Variants in ADD1 observed in about 807,000 individuals in gnomAD.
ADD1 encodes the protein adducin 1.
Under a neutral mutation model 80.5 loss-of-function variants are expected in ADD1, and 24 were observed. That is an observed-to-expected ratio of 0.30 (90% confidence interval 0.22 to 0.42). The LOEUF (loss-of-function observed/expected upper bound fraction) is 0.42. ADD1 is among the 10% of genes least tolerant of loss of function. ADD1 has a pLI of 1.00. For synonymous variants in ADD1, 373 were observed against 393.8 expected, an observed-to-expected ratio of 0.95 and a Z score of 0.63; for missense variants, 948 against 1,019.0, an observed-to-expected ratio of 0.93 and a Z score of 0.95.
At chr4:2,871,217 C>G (rs1009633705) in intron 1 of ADD1, among the ~76,000 whole-genome samples, 1 of 152,060 alleles carries the variant, frequency 6.6e-6, no homozygotes, top group African/African-American at 2.4e-5. Context: ...GTGATCCACC[C>G]TCCTCGGCCT....
chr4:2,909,788 G>A (rs1737708880), intron 13 of ADD1, among the ~76,000 whole-genome samples: 1 of 152,012 alleles, frequency 6.6e-6, no homozygotes, highest in African/African-American at 2.4e-5. Flanking sequence ...CTTCTGGGCA[G>A]TCTGTTGCTG....
In ADD1 at chr4:2,914,962, A is replaced by G; in HGVS notation, c.1870A>G (p.Asn624Asp). 6.2e-7 allele frequency: 1 copy of G among 1,614,138 alleles called. No individual in the cohort carries two copies. The highest frequency in any genetic ancestry group is 8.5e-7 in the Non-Finnish European group (1 of 1,180,006). Residue 624 changes from asparagine (N) to aspartate (D), a missense_variant, in exon 14 of 16, where the codon AAC becomes GAC. Transcript: ENST00000683351. ...CGTCATTGTGAGCACCACGGGCCCCAACCCCTTCACCACACTCACAGACCG... is the reference window on the plus strand; with the variant it reads ...CGTCATTGTGAGCACCACGGGCCCCGACCCCTTCACCACACTCACAGACCG... Reference protein sequence around the residue: ...PHVIVSTTGPNPFTTLTDREL... With the variant: ...PHVIVSTTGPDPFTTLTDREL...
At chr4:2,848,009 G>A (rs1331332451) in intron 1 of ADD1, among the ~76,000 whole-genome samples, 2 of 152,170 alleles carry the variant, frequency 1.3e-5, no homozygotes. Flanking sequence ...GAGATCAGGA[G>A]TTCGAGGCCA....
chr4:2,909,067 TGAAG>T lies in ADD1; in HGVS notation c.1699-271_1699-268del. The T allele has an allele frequency of 7.9e-6, 4 of 508,852 alleles. No individual in the cohort carries two copies. In the South Asian group the frequency reaches 8.9e-5, roughly 11 times the overall value. The allele number at this position is 508,852 out of a possible 1,614,324, so 31.5% of individuals were successfully genotyped here. Reference sequence around the variant, plus strand: ...AAAATGACTCTACCTTGTGGCACATTGAAGATAATTGTGTAAGTAGTTATCTCTG... The same window carrying T: ...AAAATGACTCTACCTTGTGGCACATTATAATTGTGTAAGTAGTTATCTCTG... On this transcript the variant is annotated intron_variant, in intron 12 of 15. Coordinates refer to ENST00000683351, the MANE Select transcript of ADD1 (RefSeq NM_001354761.2).
At chr4:2,921,493 G>T (rs1182716588) in intron 14 of ADD1, among the ~76,000 whole-genome samples, 3 of 152,172 alleles carry the variant, frequency 2.0e-5, no homozygotes, top group African/African-American at 4.8e-5. Flanking sequence ...TAGGGTTTCT[G>T]CAGAGAGATC....
Position 2,928,543 on chromosome 4 carries a change from T to A in ADD1, c.*20T>A. On this transcript the variant is annotated 3_prime_UTR_variant, in exon 16 of 16. Coordinates refer to ENST00000683351, the MANE Select transcript of ADD1 (RefSeq NM_001354761.2). ...TCCTGAAAGCCCTGCGCTAACACTG[T>A]CCTGTCCGGAGCGACCCTGGCTCTG... The A allele has an allele frequency of 1.2e-6, 2 of 1,603,490 alleles. No individual in the cohort carries two copies. The highest frequency in any genetic ancestry group is 1.7e-6 in the Non-Finnish European group (2 of 1,176,244).
rs767622914 is a variant in ADD1 at position 2,926,641 on chromosome 4, G to A, written c.2047+529G>A. 1 of 1,613,822 alleles carries A rather than the reference G, an allele frequency of 6.2e-7. No homozygotes were observed. The highest frequency in any genetic ancestry group is 2.2e-5 in the East Asian group (1 of 44,880). ...TCTCCCTGTGGCTGCGTCACAAGCAGGAGACGGATGCGCTAGAGAGTACCT... is the reference window on the plus strand; with the variant it reads ...TCTCCCTGTGGCTGCGTCACAAGCAAGAGACGGATGCGCTAGAGAGTACCT... On this transcript the variant is annotated intron_variant, in intron 15 of 15. Transcript: ENST00000683351. The surrounding 1 kb of genome is among the most constrained non-coding windows in gnomAD (Gnocchi z 5.0).
intron 14 of ADD1, among the ~76,000 whole-genome samples, chr4:2,915,909 C>G (rs570411705): frequency 2.0e-5 from 3 of 152,120 alleles, no homozygotes; most frequent in South Asian, 2.1e-4. Flanking sequence ...TGGCCACTCA[C>G]AAGAGTCTGC....
At chr4:2,871,485 C>A (rs1042856068) in intron 1 of ADD1, among the ~76,000 whole-genome samples, 4 of 152,226 alleles carry the variant, frequency 2.6e-5, no homozygotes, top group Non-Finnish European at 5.9e-5. Context: ...GTTAAGATAG[C>A]TGTTCATCCT....
rs1400821127 is a variant in ADD1 at position 2,876,963 on chromosome 4, C to T, written c.195+853C>T. Among the ~76,000 whole-genome samples, 10 of 149,960 alleles carry T rather than the reference C, an allele frequency of 6.7e-5. No homozygotes were observed. The South Asian group carries it at 2.1e-3, about 32-fold the overall frequency. On this transcript the variant is annotated intron_variant, in intron 2 of 15. Coordinates refer to ENST00000683351, the MANE Select transcript of ADD1 (RefSeq NM_001354761.2). ...GTTGCAGTGAGCGGAGATTGTGCTACTGCACTCCAGCCTGGGCAACAGAGC... is the reference window on the plus strand; with the variant it reads ...GTTGCAGTGAGCGGAGATTGTGCTATTGCACTCCAGCCTGGGCAACAGAGC...
chr4:2,899,695 C>T (rs1450562524), intron 9 of ADD1: 8 of 478,586 alleles, frequency 1.7e-5, no homozygotes, highest in African/African-American at 5.9e-5. Context: ...ACAGAGAATG[C>T]GTAGGCAGCT....
intron 13 of ADD1, among the ~76,000 whole-genome samples, chr4:2,911,619 A>G (rs921793429): frequency 6.6e-6 from 1 of 151,470 alleles, no homozygotes; most frequent in Non-Finnish European, 1.5e-5. Flanking sequence ...ACACCTGGCT[A>G]AATTTTTGTA....
intron 6 of ADD1, 88 bp downstream of exon 6, chr4:2,894,819 A>T: frequency 7.3e-7 from 1 of 1,378,928 alleles, no homozygotes; most frequent in Non-Finnish European, 9.7e-7. Context: ...CTTGTTGTTT[A>T]TAGTCAGTAA....
intron 14 of ADD1, among the ~76,000 whole-genome samples, chr4:2,915,700 G>A (rs750055471): frequency 9.2e-4 from 140 of 152,266 alleles, no homozygotes; most frequent in Non-Finnish European, 8.7e-4. Context: ...GCGCATGCCT[G>A]TAATCCCAGC....
intron 12 of ADD1, 122 bp downstream of exon 12, chr4:2,908,726 T>G (rs375332342): frequency 1.0e-4 from 81 of 813,872 alleles, no homozygotes; most frequent in East Asian, 8.2e-4. Flanking sequence ...CCAGTTACCT[T>G]TGTTAAAACC....
Position 2,875,929 on chromosome 4 carries a change from C to G in ADD1, c.14C>G (p.Ser5Cys). 1 of 1,595,544 alleles carries G rather than the reference C, an allele frequency of 6.3e-7. No individual in the cohort carries two copies. Among genetic ancestry groups the G allele is most frequent in the East Asian group, 2.2e-5 (1 of 44,658 alleles). MNGDSRAAVVTSPPP... is the reference protein window; with the variant it reads MNGDCRAAVVTSPPP... Reference sequence around the variant, plus strand: ...AAAGATTGTACAATGAATGGTGATTCTCGTGCTGCGGTGGTGACCTCACCA... The same window carrying G: ...AAAGATTGTACAATGAATGGTGATTGTCGTGCTGCGGTGGTGACCTCACCA... Residue 5 changes from serine to cysteine, a missense_variant, in exon 2 of 16, where the codon TCT becomes TGT. Ser to Cys is a moderately radical substitution (Grantham distance 112). Coordinates refer to ENST00000683351, the MANE Select transcript of ADD1 (RefSeq NM_001354761.2).
At chr4:2,862,878 A>G (rs907467781) in intron 1 of ADD1, among the ~76,000 whole-genome samples, 3 of 152,214 alleles carry the variant, frequency 2.0e-5, no homozygotes, top group Non-Finnish European at 1.5e-5. Context: ...CCTCACAGTT[A>G]GTGCTTGGTA....
chr4:2,911,448 A>ATATATATATATATATATTTTTTTTTTTT (rs553567632), intron 13 of ADD1, among the ~76,000 whole-genome samples: 9 of 130,500 alleles, frequency 6.9e-5, no homozygotes, highest in African/African-American at 2.4e-4. Flanking sequence ...ATATATATAT[A>ATATATATATATATATATTTTTTTTTTTT]TTTTTTTTTT....
At chr4:2,885,887 G>A (rs574110144) in intron 4 of ADD1, among the ~76,000 whole-genome samples, 9 of 152,332 alleles carry the variant, frequency 5.9e-5, no homozygotes, top group African/African-American at 1.7e-4. Context: ...TGGGATTACA[G>A]GCGTGAGCCA....
Sources: gnomAD v4.1 joint callset for allele counts (sites outside exome capture counted in the v4.1 genomes callset) on GRCh38, gnomAD v4.1.1 for gene constraint, Gnocchi (gnomAD v3.1) non-coding constraint, MANE v1.5 for transcripts, NCBI Gene and HGNC (gene_info 2026-07-23, HGNC 2026-07-21) for gene names.